RNF217: variants seen among roughly 807,000 people sequenced by gnomAD.
The protein encoded by RNF217 is E3 ubiquitin-protein ligase RNF217.
Under a neutral mutation model 57.8 loss-of-function variants are expected in RNF217, and 31 were observed. The observed-to-expected ratio is 0.54, with a 90% CI of 0.40 to 0.72. The LOEUF (loss-of-function observed/expected upper bound fraction) is 0.72, where lower values mean the gene tolerates loss of function less well. RNF217 is among the 30% of genes least tolerant of loss of function. RNF217 has a pLI of 0.00. For missense variants in RNF217, 696 were observed against 708.3 expected (o/e 0.98, Z 0.20); for synonymous variants, 313 against 294.0 (o/e 1.06, Z -0.66).
chr6:125,056,449 G>A (rs1582759935), intron 2 of RNF217, among the ~76,000 whole-genome samples: 1 of 152,056 alleles, frequency 6.6e-6, no homozygotes, highest in African/African-American at 2.4e-5. Flanking sequence ...CCTTATGACA[G>A]AATACCATTT....
In RNF217 at chr6:124,962,908, G is replaced by A. The variant is rs769428583; in HGVS notation, c.364G>A (p.Asp122Asn). ...EEAGDRKEGG[D>N]EQQEAPPGEE... ...AGCTGGGGATCGAAAAGAGGGAGGG[G>A]ATGAACAGCAGGAGGCGCCCCCCGG... The change falls in exon 1 of 6, where the codon GAT becomes AAT. Residue 122 changes from aspartate (D) to asparagine (N), a missense_variant. Coordinates refer to ENST00000521654, the MANE Select transcript of RNF217 (RefSeq NM_001286398.3). This position sits in a 1 kb window ranked among gnomAD's most constrained non-coding sequence, Gnocchi z 4.6. The A allele has an allele frequency of 3.1e-6, 5 of 1,598,066 alleles. No individual in the cohort carries two copies. The South Asian group carries it at 5.5e-5, about 18-fold the overall frequency.
At chr6:125,056,351 A>C (rs1363962374) in intron 2 of RNF217, among the ~76,000 whole-genome samples, 2 of 152,228 alleles carry the variant, frequency 1.3e-5, no homozygotes, top group Non-Finnish European at 2.9e-5. Flanking sequence ...TTTGAGGATG[A>C]AAATAAATAA....
At chr6:125,046,145 A>T (rs1426469993) in intron 2 of RNF217, among the ~76,000 whole-genome samples, 1 of 152,078 alleles carries the variant, frequency 6.6e-6, no homozygotes, top group African/African-American at 2.4e-5. Context: ...AGAGCAAGGG[A>T]TGAGTAAGTG....
At chr6:125,038,701 T>G (rs1212181880) in intron 1 of RNF217, among the ~76,000 whole-genome samples, 1 of 152,164 alleles carries the variant, frequency 6.6e-6, no homozygotes, top group African/African-American at 2.4e-5. Context: ...ATTTAATTGC[T>G]ACATTCTCAA....
chr6:125,021,892 CT>C, intron 1 of RNF217, among the ~76,000 whole-genome samples: 1 of 151,694 alleles, frequency 6.6e-6, no homozygotes, highest in African/African-American at 2.4e-5. Flanking sequence ...GCCTTCCCCC[CT>C]TTTTTTGAGA....
At chr6:124,993,480 G>T (rs1055280040) in intron 1 of RNF217, among the ~76,000 whole-genome samples, 1 of 152,108 alleles carries the variant, frequency 6.6e-6, no homozygotes, top group East Asian at 1.9e-4. Flanking sequence ...AAATATGAGA[G>T]AATAAGATCA....
intron 4 of RNF217, 52 bp from the exon 5 acceptor site, chr6:125,081,384 T>G (rs958200125): frequency 1.3e-5 from 17 of 1,339,528 alleles, no homozygotes; most frequent in Middle Eastern, 3.7e-4. Context: ...CTGTAATTAT[T>G]TGGTAGGTTA....
intron 1 of RNF217, 58 bp downstream of exon 1, chr6:124,963,484 C>G: frequency 2.1e-6 from 3 of 1,428,924 alleles, no homozygotes; most frequent in Non-Finnish European, 2.7e-6. Flanking sequence ...CGAGGAGGTC[C>G]TGCTCTCGAT....
intron 1 of RNF217, among the ~76,000 whole-genome samples, chr6:124,979,939 T>G (rs1784100738): frequency 6.6e-6 from 1 of 152,202 alleles, no homozygotes; most frequent in Non-Finnish European, 1.5e-5. Flanking sequence ...TTACTGGATC[T>G]TTGCCTTTAA....
intron 3 of RNF217, among the ~76,000 whole-genome samples, chr6:125,074,046 A>G (rs1356435308): frequency 6.6e-6 from 1 of 152,070 alleles, no homozygotes; most frequent in Non-Finnish European, 1.5e-5. Flanking sequence ...TGTAAGGCAG[A>G]AGCTTACCTG....
At chr6:125,022,102 C>G (rs944542266) in intron 1 of RNF217, among the ~76,000 whole-genome samples, 5 of 151,980 alleles carry the variant, frequency 3.3e-5, no homozygotes, top group Non-Finnish European at 7.4e-5. Context: ...AGGCTGCTCT[C>G]GAACTCCTTA....
At chr6:125,027,909 T>C (rs1786176770) in intron 1 of RNF217, among the ~76,000 whole-genome samples, 1 of 152,200 alleles carries the variant, frequency 6.6e-6, no homozygotes, top group South Asian at 2.1e-4. Context: ...ATCAGTGATG[T>C]TGAGCATCTT....
chr6:125,044,759 G>T (rs752768800), intron 1 of RNF217, among the ~76,000 whole-genome samples: 5 of 152,166 alleles, frequency 3.3e-5, no homozygotes, highest in Middle Eastern at 3.4e-3. Context: ...ATAGTAAAAT[G>T]TGCCCAGAGT....
intron 1 of RNF217, among the ~76,000 whole-genome samples, chr6:124,979,747 A>G (rs1313039005): frequency 2.6e-5 from 4 of 152,254 alleles, no homozygotes; most frequent in Non-Finnish European, 4.4e-5. Context: ...GAGCTGTAAC[A>G]TGACAATTAG....
At chr6:125,079,879 T>C (rs1327979057) in intron 4 of RNF217, among the ~76,000 whole-genome samples, 1 of 152,138 alleles carries the variant, frequency 6.6e-6, no homozygotes, top group Non-Finnish European at 1.5e-5. Flanking sequence ...GCAATGTTAC[T>C]AACCTAGGAA....
At position 124,995,970 on chromosome 6, in the gene RNF217, G is replaced by GT. The variant is rs1032295643; in HGVS notation, c.882+32554dup. On this transcript the variant is annotated intron_variant, in intron 1 of 5. Coordinates refer to ENST00000521654, the MANE Select transcript of RNF217 (RefSeq NM_001286398.3). ...AGAAAAACATTTGGAATATTTCTGG[G>GT]TTTTTTTTTTCTATTTCTCTTACAG... 7.5e-3 allele frequency among the ~76,000 whole-genome samples: 1,122 copies of GT among 149,358 alleles called. 16 individuals are homozygous for GT. The highest frequency in any genetic ancestry group is 0.026 in the African/African-American group (1,046 of 40,678).
At chr6:124,967,015 C>T (rs1380616117) in intron 1 of RNF217, among the ~76,000 whole-genome samples, 1 of 152,166 alleles carries the variant, frequency 6.6e-6, no homozygotes, top group Non-Finnish European at 1.5e-5. Context: ...AGTTTCTGAT[C>T]GCCACGGTGA....
intron 1 of RNF217, among the ~76,000 whole-genome samples, chr6:125,034,496 A>G (rs1004884605): frequency 8.5e-5 from 13 of 152,142 alleles, no homozygotes; most frequent in African/African-American, 2.9e-4. Context: ...GTCAAAGATC[A>G]GATAGTTGTA....
Position 125,086,731 on chromosome 6 carries a change from G to T in RNF217, c.*3794G>T, listed in dbSNP as rs1473471241. 6.6e-6 allele frequency: 1 copy of T among 152,064 alleles called. No homozygotes were observed. Among genetic ancestry groups the T allele is most frequent in the East Asian group, 1.9e-4 (1 of 5,190 alleles). 9.4% of individuals were successfully genotyped at this position (152,064 alleles called of 1,614,324 possible). A position where few individuals can be genotyped will look rare whatever the true frequency, so the allele number is the denominator to read the frequency against. Reference sequence around the variant, plus strand: ...TCTCATAGGTGCTATTGTGTCCTAAGAGTAGAACAGACAAGAAAACAAAGA... The same window carrying T: ...TCTCATAGGTGCTATTGTGTCCTAATAGTAGAACAGACAAGAAAACAAAGA... On this transcript the variant is annotated 3_prime_UTR_variant, in exon 6 of 6. Coordinates refer to ENST00000521654, the MANE Select transcript of RNF217 (RefSeq NM_001286398.3).
Sources: allele counts gnomAD v4.1 joint callset (sites outside exome capture counted in the v4.1 genomes callset), GRCh38; gene constraint gnomAD v4.1.1; non-coding constraint Gnocchi (gnomAD v3.1); transcripts MANE v1.5; gene names NCBI Gene and HGNC (gene_info 2026-07-23, HGNC 2026-07-21).